CPAMD8: variants seen among roughly 807,000 people sequenced by gnomAD.
The protein encoded by CPAMD8 is C3 and PZP like alpha-2-macroglobulin domain containing 8, also known as C3 and PZP-like alpha-2-macroglobulin domain-containing protein 8.
In CPAMD8, 146 loss-of-function variants were observed where a neutral mutation model predicts 224.7. The ratio of observed to expected loss-of-function variants is 0.65; its 90% CI spans 0.57 to 0.75. The LOEUF (loss-of-function observed/expected upper bound fraction) is 0.75. CPAMD8 is among the 30% of genes least tolerant of loss of function. The pLI, the probability that CPAMD8 is intolerant of heterozygous loss-of-function variation, is 0.00. For synonymous variants in CPAMD8, 966 were observed against 1,044.6 expected (o/e 0.92, Z 1.45); for missense variants, 2,301 against 2,537.5 (o/e 0.91, Z 2.00).
chr19:16,925,715 T>G (rs77690864), intron 25 of CPAMD8, among the ~76,000 whole-genome samples: 31 of 152,278 alleles, frequency 2.0e-4, no homozygotes, highest in Non-Finnish European at 4.4e-4. Flanking sequence ...AATATTGGTA[T>G]GTCTATACAA....
Position 16,927,972 on chromosome 19 carries a change from C to G in CPAMD8, c.3370+37G>C, listed in dbSNP as rs376713348. 9 of 1,494,626 alleles carry G rather than the reference C, an allele frequency of 6.0e-6. No individual in the cohort carries two copies. In the East Asian group the frequency reaches 1.1e-4, roughly 19 times the overall value. The allele number at this position is 1,494,626 out of a possible 1,614,324, so 92.6% of individuals were successfully genotyped here. A position where few individuals can be genotyped will look rare whatever the true frequency, so the allele number is the denominator to read the frequency against. On this transcript the variant is annotated intron_variant, in intron 25 of 41. Transcript: ENST00000443236. The stretch of plus-strand genomic sequence containing the variant: ...GGAGTCTCAACTTCGGCTCTTGCCC[C>G]CTGACCTCTCCAAGCCAGGCTGTGG...
intron 18 of CPAMD8, 113 bp from the exon 19 acceptor site, chr19:16,958,028 C>G: frequency 1.1e-6 from 1 of 940,892 alleles, no homozygotes; most frequent in South Asian, 1.5e-5. Context: ...TTTCTTTTAC[C>G]TGGAAGGGTT....
At chr19:16,961,759 C>T (rs1046339975) in intron 18 of CPAMD8, among the ~76,000 whole-genome samples, 1 of 152,238 alleles carries the variant, frequency 6.6e-6, no homozygotes, top group Non-Finnish European at 1.5e-5. Context: ...AGACACCTCC[C>T]AGGAGGGGCC....
chr19:16,993,488 A>T lies in CPAMD8; in HGVS notation c.1194T>A (p.Val398=). ...ACCCCACTAGTCCACGCTGGGACAC[A>T]ACTTCACTGGTGTAGATGTTATCCT... ...TPKDNIYTSE[V]VSQRGLVGFE... The change falls in exon 12 of 42, where the codon GTT becomes GTA. Residue 398 remains valine, a synonymous_variant. Coordinates refer to ENST00000443236, the MANE Select transcript of CPAMD8 (RefSeq NM_015692.5). 1 of 1,614,032 alleles carries T rather than the reference A, an allele frequency of 6.2e-7. No individual in the cohort carries two copies. The highest frequency in any genetic ancestry group is 8.5e-7 in the Non-Finnish European group (1 of 1,179,902).
chr19:17,020,295 A>G (rs1415847007), intron 3 of CPAMD8, 36 bp downstream of exon 3: 8 of 1,509,320 alleles, frequency 5.3e-6, no homozygotes, highest in Middle Eastern at 1.7e-4. Context: ...TTTATTTCCA[A>G]GGTCAGGTTT....
At chr19:17,009,151 A>G (rs2056579067) in intron 6 of CPAMD8, 152 bp downstream of exon 6, 1 of 1,256,702 alleles carries the variant, frequency 8.0e-7, no homozygotes, top group South Asian at 1.3e-5. Context: ...GGGCGGACCC[A>G]GGGACCAGGA....
intron 23 of CPAMD8, among the ~76,000 whole-genome samples, chr19:16,935,600 A>T (rs1241872232): frequency 6.6e-6 from 1 of 152,218 alleles, no homozygotes; most frequent in Non-Finnish European, 1.5e-5. Flanking sequence ...TTTATTAATG[A>T]GTAGTATTCC....
intron 18 of CPAMD8, among the ~76,000 whole-genome samples, chr19:16,964,573 A>C (rs976501579): frequency 6.6e-6 from 1 of 152,204 alleles, no homozygotes; most frequent in Non-Finnish European, 1.5e-5. Flanking sequence ...AAAAAAGTCC[A>C]GGACCAGAAG....
chr19:16,905,057 ATGG>A lies in CPAMD8; in HGVS notation c.4028-508_4028-506del, dbSNP rs544203556. 9.2e-5 allele frequency among the ~76,000 whole-genome samples: 14 copies of A among 152,074 alleles called. No individual in the cohort carries two copies. The East Asian group carries it at 2.7e-3, about 29-fold the overall frequency. On this transcript the variant is annotated intron_variant, in intron 30 of 41. Coordinates refer to ENST00000443236, the MANE Select transcript of CPAMD8 (RefSeq NM_015692.5). ...GGAGTTCAAGACCAGCCTGGCCAAC[ATGG>A]TGAAATCCCATCTCTACTAAAAATA...
intron 12 of CPAMD8, 138 bp downstream of exon 12, chr19:16,993,278 A>G (rs2056016105): frequency 3.0e-6 from 2 of 659,708 alleles, no homozygotes; most frequent in Non-Finnish European, 5.2e-6. Flanking sequence ...TGTCCATCCC[A>G]CTGTCTAGTG....
intron 27 of CPAMD8, among the ~76,000 whole-genome samples, chr19:16,921,323 G>A (rs1037457205): frequency 6.6e-6 from 1 of 152,078 alleles, no homozygotes; most frequent in Non-Finnish European, 1.5e-5. Flanking sequence ...TCCGGCGATG[G>A]GTACAGGAGT....
At chr19:17,002,433 G>A (rs2056358332) in intron 8 of CPAMD8, 83 bp from the exon 9 acceptor site, 1 of 851,238 alleles carries the variant, frequency 1.2e-6, no homozygotes, top group South Asian at 1.5e-5. Context: ...CAAGGTGTCT[G>A]AGGACCACAG....
intron 20 of CPAMD8, among the ~76,000 whole-genome samples, chr19:16,948,610 C>T (rs2054182856): frequency 6.6e-6 from 1 of 151,752 alleles, no homozygotes; most frequent in Admixed American, 6.6e-5. Context: ...TGCTGGGCAC[C>T]TGTAATCCCA....
At chr19:16,952,260 G>T in intron 19 of CPAMD8, 60 bp from the exon 20 acceptor site, 1 of 980,246 alleles carries the variant, frequency 1.0e-6, no homozygotes, top group Non-Finnish European at 1.6e-6. Context: ...CCTCAGGGGG[G>T]CCAGTGGGCA....
In CPAMD8 at chr19:16,897,762, C is replaced by G; in HGVS notation, c.4994G>C (p.Ser1665Thr). 1 of 1,584,620 alleles carries G rather than the reference C, an allele frequency of 6.3e-7. No homozygotes were observed. Among genetic ancestry groups the G allele is most frequent in the Non-Finnish European group, 8.6e-7 (1 of 1,167,858 alleles). ...ATRFYNVSTH[S>T]PLARELCAGP... ...GGCGCACAGTTCCCGGGCGAGTGGG[C>G]TGTGGGTGCTGACGTTGTAGAAGCG... is the stretch of plus-strand genomic sequence containing the variant. The change falls in exon 39 of 42, where the codon AGC (serine) becomes ACC (threonine). Residue 1665 changes from serine to threonine, a missense_variant. Coordinates refer to ENST00000443236, the MANE Select transcript of CPAMD8 (RefSeq NM_015692.5).
chr19:16,927,902 C>T (rs1401121849), intron 25 of CPAMD8, 107 bp downstream of exon 25: 3 of 814,628 alleles, frequency 3.7e-6, no homozygotes, highest in Admixed American at 3.7e-5. Context: ...GGGTGGACAC[C>T]CCAAGACACA....
intron 9 of CPAMD8, among the ~76,000 whole-genome samples, chr19:17,001,523 T>TA (rs1430993667): frequency 1.7e-5 from 2 of 120,986 alleles, no homozygotes; most frequent in Non-Finnish European, 3.5e-5. Context: ...GGGAAGAACT[T>TA]AGAGTGGAAG....
Position 16,904,494 on chromosome 19 carries a change from C to T in CPAMD8, c.4086G>A (p.Leu1362=). ...ACTGAGAGACCCTGTCACTGAAGCT[C>T]AAGAATGTGCCCTTGTCCACGTCCC... ...NSWDVDKGTF[L]SFSDRVSQSV... Residue 1362 remains leucine, a synonymous_variant, in exon 31 of 42, where the codon TTG becomes TTA. Coordinates refer to ENST00000443236, the MANE Select transcript of CPAMD8 (RefSeq NM_015692.5). 1 of 1,614,136 alleles carries T rather than the reference C, an allele frequency of 6.2e-7. No individual in the cohort carries two copies. The highest frequency in any genetic ancestry group is 8.5e-7 in the Non-Finnish European group (1 of 1,179,982).
intron 15 of CPAMD8, 98 bp downstream of exon 15, chr19:16,977,267 CACA>C: frequency 1.4e-6 from 1 of 727,202 alleles, no homozygotes; most frequent in East Asian, 2.6e-5. Context: ...CATGCTGCGA[CACA>C]ACATGAGTCT....
Sources: gnomAD v4.1 joint callset for allele counts (sites outside exome capture counted in the v4.1 genomes callset) on GRCh38, gnomAD v4.1.1 for gene constraint, MANE v1.5 for transcripts, NCBI Gene and HGNC (gene_info 2026-07-23, HGNC 2026-07-21) for gene names.